Variants in VPS13D observed in about 807,000 individuals in gnomAD.
VPS13D encodes intermembrane lipid transfer protein VPS13D.
A neutral mutation model predicts 461.9 loss-of-function variants in VPS13D; 187 were observed. That is an observed-to-expected ratio of 0.40 (90% CI 0.36 to 0.46). The LOEUF (loss-of-function observed/expected upper bound fraction) is 0.46, where lower values mean the gene tolerates loss of function less well. Among genes scored for constraint, VPS13D ranks in the 20% least tolerant of loss-of-function variants. The pLI is 0.60. For synonymous variants in VPS13D, 1,951 were observed against 1,986.3 expected, an observed-to-expected ratio of 0.98 and a Z score of 0.47; for missense variants, 4,711 against 5,364.9, an observed-to-expected ratio of 0.88 and a Z score of 3.81.
At chr1:12,290,849 G>T in intron 22 of VPS13D, 149 bp from the exon 23 acceptor site, 4 of 598,992 alleles carry the variant, frequency 6.7e-6, no homozygotes, top group African/African-American at 1.9e-5. Context: ...ATTTTTTGGG[G>T]TATATTGGAA....
At position 12,296,028 on chromosome 1, in the gene VPS13D, G is replaced by A. The variant is rs544894939; in HGVS notation, c.6033+2324G>A. ...AAGATTCATTCATATTGTTACATAC[G>A]ATAGCATTTATTTTTACCATTGCAT... On this transcript the variant is annotated intron_variant, in intron 24 of 69. Transcript: ENST00000620676. 3.3e-5 allele frequency among the ~76,000 whole-genome samples: 5 copies of A among 152,136 alleles called. No individual in the cohort carries two copies. In the South Asian group the frequency reaches 1.0e-3, roughly 32 times the overall value.
intron 49 of VPS13D, 64 bp downstream of exon 49, chr1:12,356,588 G>T: frequency 6.4e-7 from 1 of 1,570,522 alleles, no homozygotes; most frequent in Non-Finnish European, 8.6e-7. Flanking sequence ...ATTAGTAAAG[G>T]CTATAATATA....
intron 32 of VPS13D, among the ~76,000 whole-genome samples, chr1:12,321,071 A>G (rs574836684): frequency 2.3e-4 from 35 of 152,338 alleles, no homozygotes; most frequent in African/African-American, 7.9e-4. Flanking sequence ...CTTCCTGAGC[A>G]TGCAAAATAA....
intron 22 of VPS13D, among the ~76,000 whole-genome samples, chr1:12,288,945 G>T (rs1460633813): frequency 6.6e-6 from 1 of 152,146 alleles, no homozygotes; most frequent in Non-Finnish European, 1.5e-5. Flanking sequence ...GGATTCAAGC[G>T]ATTCTTTTGC....
At chr1:12,412,763 A>G (rs949691983) in intron 63 of VPS13D, among the ~76,000 whole-genome samples, 1 of 152,250 alleles carries the variant, frequency 6.6e-6, no homozygotes, top group Admixed American at 6.5e-5. Flanking sequence ...ACCAGGACAC[A>G]GAAAGCTCTT....
At position 12,354,044 on chromosome 1, in the gene VPS13D, A is replaced by G; in HGVS notation, c.9502A>G (p.Lys3168Glu). 6.2e-7 allele frequency: 1 copy of G among 1,614,196 alleles called. No individual in the cohort carries two copies. The highest frequency in any genetic ancestry group is 8.5e-7 in the Non-Finnish European group (1 of 1,180,024). ...MPSNIFSDSA[K>E]QIFRQPGHTI... ...CTCAAACATATTTTCTGACAGTGCAAAACAGATTTTCAGACAGCCTGGGCA... is the reference window on the plus strand; with the variant it reads ...CTCAAACATATTTTCTGACAGTGCAGAACAGATTTTCAGACAGCCTGGGCA... Residue 3168 changes from lysine to glutamate, a missense_variant, in exon 47 of 70, where the codon AAA becomes GAA. Physicochemically the swap from Lys to Glu is moderately conservative, Grantham distance 56. Around this residue, in one of 3 missense-constraint regions of VPS13D, gnomAD observed 4,411 missense variants for 4,937.8 expected, o/e 0.89. Coordinates refer to ENST00000620676, the MANE Select transcript of VPS13D (RefSeq NM_015378.4).
intron 67 of VPS13D, among the ~76,000 whole-genome samples, chr1:12,481,543 C>T (rs1421379086): frequency 1.3e-5 from 2 of 152,100 alleles, no homozygotes; most frequent in African/African-American, 4.8e-5. Flanking sequence ...CAACTCTGAC[C>T]CAAGGGGTGT....
intron 24 of VPS13D, among the ~76,000 whole-genome samples, chr1:12,298,812 G>C (rs540507215): frequency 5.7e-4 from 87 of 152,094 alleles, no homozygotes; most frequent in Middle Eastern, 3.4e-3. Flanking sequence ...TCTTAAGGTG[G>C]AAGCTTTCAA....
chr1:12,505,474 C>T lies in VPS13D; in HGVS notation c.12795-1379C>T, dbSNP rs1245338156. Among the ~76,000 whole-genome samples, 1 of 152,136 alleles carries T rather than the reference C, an allele frequency of 6.6e-6. No individual in the cohort carries two copies. Among genetic ancestry groups the T allele is most frequent in the Non-Finnish European group, 1.5e-5 (1 of 68,026 alleles). On this transcript the variant is annotated intron_variant, in intron 68 of 69. Coordinates refer to ENST00000620676, the MANE Select transcript of VPS13D (RefSeq NM_015378.4). The surrounding 1 kb of genome is among the most constrained non-coding windows in gnomAD (Gnocchi z 4.2). ...ACCAGTTAGAATAGAACAATAAATCCCAGTTTTTGTCATGGGCGTCTGTAA... is the reference window on the plus strand; with the variant it reads ...ACCAGTTAGAATAGAACAATAAATCTCAGTTTTTGTCATGGGCGTCTGTAA...
At chr1:12,333,841 C>T (rs1643387940) in intron 38 of VPS13D, among the ~76,000 whole-genome samples, 1 of 152,120 alleles carries the variant, frequency 6.6e-6, no homozygotes, top group African/African-American at 2.4e-5. Context: ...GGTGTGTTAT[C>T]TAAAAGTATC....
At chr1:12,322,810 A>C (rs1316667967) in intron 34 of VPS13D, 64 bp downstream of exon 34, 6 of 1,490,064 alleles carry the variant, frequency 4.0e-6, no homozygotes, top group Non-Finnish European at 5.5e-6. Flanking sequence ...TTGACTCTTA[A>C]AATTTTCTTT....
chr1:12,267,582 G>A (rs978120670), intron 14 of VPS13D, among the ~76,000 whole-genome samples: 2 of 152,130 alleles, frequency 1.3e-5, no homozygotes, highest in African/African-American at 2.4e-5. Flanking sequence ...AGTTAGACAT[G>A]TTTAATTTTC....
At chr1:12,233,302 G>A (rs1002190545) in intron 1 of VPS13D, among the ~76,000 whole-genome samples, 5 of 152,078 alleles carry the variant, frequency 3.3e-5, no homozygotes, top group African/African-American at 4.8e-5. Flanking sequence ...CACCACCCCC[G>A]GCCTCTTTCA....
In VPS13D at chr1:12,356,149, T is replaced by C. The variant is rs990704716; in HGVS notation, c.9871+59T>C. 8 of 1,531,892 alleles carry C rather than the reference T, an allele frequency of 5.2e-6. No homozygotes were observed. In the South Asian group the frequency reaches 8.8e-5, roughly 17 times the overall value. The allele number at this position is 1,531,892 out of a possible 1,614,324, so 94.9% of individuals were successfully genotyped here. On this transcript the variant is annotated intron_variant, in intron 48 of 69. Coordinates refer to ENST00000620676, the MANE Select transcript of VPS13D (RefSeq NM_015378.4). ...CGTTAGTCATGGGAATTCAGATTTA[T>C]TTGCTTAGCTAACTAAATGGAGCCA... is the stretch of plus-strand genomic sequence containing the variant.
At chr1:12,336,669 G>A (rs1643458529) in intron 39 of VPS13D, 1 of 152,194 alleles carries the variant, frequency 6.6e-6, no homozygotes, top group African/African-American at 2.4e-5. Context: ...GGGTGAATAA[G>A]TGGACTTTCT....
At chr1:12,268,231 TG>T (rs1202881882) in intron 15 of VPS13D, among the ~76,000 whole-genome samples, 1 of 149,858 alleles carries the variant, frequency 6.7e-6, no homozygotes, top group Non-Finnish European at 1.5e-5. Flanking sequence ...ATTACAAGTG[TG>T]AGCCACCATG....
intron 45 of VPS13D, 41 bp downstream of exon 45, chr1:12,349,014 T>A (rs765435080): frequency 6.3e-5 from 102 of 1,613,070 alleles, no homozygotes; most frequent in Non-Finnish European, 8.1e-5. Flanking sequence ...TGCTGATAAA[T>A]ACTTCTTGAC....
At chr1:12,395,993 G>GGA (rs1644489732) in intron 60 of VPS13D, among the ~76,000 whole-genome samples, 1 of 32,744 alleles carries the variant, frequency 3.1e-5, no homozygotes, top group African/African-American at 1.2e-4. Context: ...AGAACTAATA[G>GGA]GAGATATATA....
intron 56 of VPS13D, 55 bp from the exon 57 acceptor site, chr1:12,379,433 G>A (rs1644242900): frequency 2.0e-6 from 3 of 1,513,428 alleles, no homozygotes; most frequent in Non-Finnish European, 2.7e-6. Flanking sequence ...TTCCCTTCAG[G>A]CGTGAAACAG....
Sources: allele counts gnomAD v4.1 joint callset (sites outside exome capture counted in the v4.1 genomes callset), GRCh38; gene constraint gnomAD v4.1.1; regional missense constraint gnomAD v4.1.1; non-coding constraint Gnocchi (gnomAD v3.1); transcripts MANE v1.5; gene names NCBI Gene and HGNC (gene_info 2026-07-23, HGNC 2026-07-21).